The following PCDHGC3 variants were observed in gnomAD, a reference collection of about 807,000 sequenced individuals.
PCDHGC3 encodes protocadherin gamma subfamily C, 3.
A neutral mutation model predicts 59.2 loss-of-function variants in PCDHGC3; 26 were observed. That is an observed-to-expected ratio of 0.44 (90% CI 0.32 to 0.61). PCDHGC3 has a LOEUF of 0.61. Among genes scored for constraint, PCDHGC3 ranks in the 20% least tolerant of loss-of-function variants. PCDHGC3 has a pLI of 0.05. For missense variants in PCDHGC3, 1,080 were observed against 1,221.8 expected, an observed-to-expected ratio of 0.88 and a Z score of 1.73; for synonymous variants, 487 against 519.7, an observed-to-expected ratio of 0.94 and a Z score of 0.86.
chr5:141,485,982 A>G lies in PCDHGC3; in HGVS notation c.2430+7436A>G. 6.2e-7 allele frequency: 1 copy of G among 1,614,156 alleles called. No homozygotes were observed. The highest frequency in any genetic ancestry group is 8.5e-7 in the Non-Finnish European group (1 of 1,180,020). ...ATCCAGCTCAATGCCTCAGACCCGG[A>G]CCTGGGTCCCAGTGGTAACGTCACC... On this transcript the variant is annotated intron_variant, in intron 1 of 3. Coordinates refer to ENST00000308177, the MANE Select transcript of PCDHGC3 (RefSeq NM_002588.4). The surrounding 1 kb of genome is among the most constrained non-coding windows in gnomAD (Gnocchi z 5.7).
intron 3 of PCDHGC3, chr5:141,506,958 A>C (rs529190059): frequency 1.6e-3 from 239 of 152,280 alleles, no homozygotes; most frequent in African/African-American, 5.5e-3. Flanking sequence ...GAATCCTCTC[A>C]ATAGCTCTGC....
intron 2 of PCDHGC3, among the ~76,000 whole-genome samples, chr5:141,503,072 C>T (rs2099817948): frequency 6.6e-6 from 1 of 151,728 alleles, no homozygotes; most frequent in Non-Finnish European, 1.5e-5. Flanking sequence ...TCAGAATGGT[C>T]TCGATCTCCT....
intron 3 of PCDHGC3, chr5:141,507,291 T>A (rs956764262): frequency 3.4e-5 from 5 of 147,704 alleles, no homozygotes; most frequent in African/African-American, 5.1e-5. Flanking sequence ...CAGTCTCAAA[T>A]GTTGCATGAG....
Position 141,490,629 on chromosome 5 carries a change from C to T in PCDHGC3, c.2431-4178C>T, listed in dbSNP as rs1174984711. 1.2e-6 allele frequency: 2 copies of T among 1,614,214 alleles called. No individual in the cohort carries two copies. Among genetic ancestry groups the T allele is most frequent in the East Asian group, 2.2e-5 (1 of 44,882 alleles). On this transcript the variant is annotated intron_variant, in intron 1 of 3. Coordinates refer to ENST00000308177, the MANE Select transcript of PCDHGC3 (RefSeq NM_002588.4). This position sits in a 1 kb window ranked among gnomAD's most constrained non-coding sequence, Gnocchi z 5.4. ...ACCAGCAGCTTTACACTGCTTACAT[C>T]CTAGAAAACCGGCCTCCGGGCTCCC...
rs979237199 is a variant in PCDHGC3, at chr5:141,477,828, G to C, written c.1712G>C (p.Arg571Pro). Residue 571 changes from arginine (R) to proline (P), a missense_variant, in exon 1 of 4, where the codon CGG becomes CCG. Transcript: ENST00000308177. This position sits in a 1 kb window ranked among gnomAD's most constrained non-coding sequence, Gnocchi z 4.9. ...NDNAPQVLYPRPGGSSVEMLP... is the reference protein window; with the variant it reads ...NDNAPQVLYPPPGGSSVEMLP... Reference sequence around the variant, plus strand: ...AATGCCCCCCAGGTCCTATATCCTCGGCCAGGTGGGAGCTCGGTGGAGATG... The same window carrying C: ...AATGCCCCCCAGGTCCTATATCCTCCGCCAGGTGGGAGCTCGGTGGAGATG... The C allele has an allele frequency of 3.7e-6, 6 of 1,614,082 alleles. No individual in the cohort carries two copies. The highest frequency in any genetic ancestry group is 3.4e-6 in the Non-Finnish European group (4 of 1,180,006).
chr5:141,494,782 C>T, intron 1 of PCDHGC3, 25 bp from the exon 2 acceptor site: 1 of 1,614,110 alleles, frequency 6.2e-7, no homozygotes. Context: ...GGTACTCAGC[C>T]CCTTTCCCTC....
At chr5:141,482,606 T>G (rs2099569173) in intron 1 of PCDHGC3, among the ~76,000 whole-genome samples, 1 of 146,712 alleles carries the variant, frequency 6.8e-6, no homozygotes, top group African/African-American at 2.6e-5. Context: ...AAAAAACACC[T>G]AAATGAGCCT....
At chr5:141,488,083 C>T (rs917074240) in intron 1 of PCDHGC3, among the ~76,000 whole-genome samples, 1 of 152,152 alleles carries the variant, frequency 6.6e-6, no homozygotes, top group African/African-American at 2.4e-5. Context: ...GTATCTAGTA[C>T]ACTGTGAAGG....
At chr5:141,502,404 C>A (rs1270930372) in intron 2 of PCDHGC3, among the ~76,000 whole-genome samples, 1 of 151,880 alleles carries the variant, frequency 6.6e-6, no homozygotes, top group Non-Finnish European at 1.5e-5. Flanking sequence ...TGTCCCCGAA[C>A]CTGGATTTGC....
intron 1 of PCDHGC3, among the ~76,000 whole-genome samples, chr5:141,480,400 G>A (rs1364147575): frequency 6.8e-6 from 1 of 146,550 alleles, no homozygotes; most frequent in Non-Finnish European, 1.5e-5. Context: ...TGGCAATAGA[G>A]TGAGACCCTG....
chr5:141,490,611 G>A lies in PCDHGC3; in HGVS notation c.2431-4196G>A, dbSNP rs1442281165. 1 of 1,614,052 alleles carries A rather than the reference G, an allele frequency of 6.2e-7. No homozygotes were observed. The highest frequency in any genetic ancestry group is 1.3e-5 in the African/African-American group (1 of 74,914). On this transcript the variant is annotated intron_variant, in intron 1 of 3. Coordinates refer to ENST00000308177, the MANE Select transcript of PCDHGC3 (RefSeq NM_002588.4). This position sits in a 1 kb window ranked among gnomAD's most constrained non-coding sequence, Gnocchi z 5.4. ...ACAATGCACCCCGCTTCAACCAGCA[G>A]CTTTACACTGCTTACATCCTAGAAA...
chr5:141,492,548 C>T (rs1028674110), intron 1 of PCDHGC3, among the ~76,000 whole-genome samples: 5 of 152,218 alleles, frequency 3.3e-5, no homozygotes, highest in African/African-American at 9.6e-5. Flanking sequence ...TGGGCCGGGT[C>T]GCCTGGGGGG....
chr5:141,490,938 C>A lies in PCDHGC3; in HGVS notation c.2431-3869C>A. 1.2e-6 allele frequency: 2 copies of A among 1,613,672 alleles called. No individual in the cohort carries two copies. Among genetic ancestry groups the A allele is most frequent in the Non-Finnish European group, 1.7e-6 (2 of 1,179,760 alleles). On this transcript the variant is annotated intron_variant, in intron 1 of 3. Coordinates refer to ENST00000308177, the MANE Select transcript of PCDHGC3 (RefSeq NM_002588.4). The surrounding 1 kb of genome is among the most constrained non-coding windows in gnomAD (Gnocchi z 5.4). ...ATGATAATGCCCCAGCTGTGCTGCA[C>A]CCACGGCCAGACTGGGAACACTCAG... is the stretch of plus-strand genomic sequence containing the variant.
intron 2 of PCDHGC3, among the ~76,000 whole-genome samples, chr5:141,504,999 T>C (rs1278633184): frequency 6.6e-6 from 1 of 152,000 alleles, no homozygotes; most frequent in African/African-American, 2.4e-5. Context: ...CCGTCTGTAC[T>C]AAAAATACAA....
At position 141,477,269 on chromosome 5, in the gene PCDHGC3, G is replaced by A; in HGVS notation, c.1153G>A (p.Gly385Arg). The change falls in exon 1 of 4, where the codon GGG becomes AGG. Residue 385 changes from glycine to arginine, a missense_variant. By Grantham distance (125) the Gly-to-Arg change is moderately radical. Coordinates refer to ENST00000308177, the MANE Select transcript of PCDHGC3 (RefSeq NM_002588.4). This position sits in a 1 kb window ranked among gnomAD's most constrained non-coding sequence, Gnocchi z 4.9. Reference protein sequence around the residue: ...SVTDLDAGENGLVTCEVPPGL... With the variant: ...SVTDLDAGENRLVTCEVPPGL... Reference sequence around the variant, plus strand: ...GACTGACCTGGATGCTGGCGAGAACGGGCTGGTGACCTGCGAAGTTCCACC... The same window carrying A: ...GACTGACCTGGATGCTGGCGAGAACAGGCTGGTGACCTGCGAAGTTCCACC... 1.9e-6 allele frequency: 3 copies of A among 1,614,154 alleles called. No individual in the cohort carries two copies. Among genetic ancestry groups the A allele is most frequent in the Non-Finnish European group, 2.5e-6 (3 of 1,180,030 alleles).
Position 141,511,159 on chromosome 5 carries a change from AAGG to A in PCDHGC3, c.2794_2796del (p.Glu932del), listed in dbSNP as rs1477173987. 3 of 1,614,186 alleles carry A rather than the reference AAGG, an allele frequency of 1.9e-6. No individual in the cohort carries two copies. The highest frequency in any genetic ancestry group is 2.2e-5 in the East Asian group (1 of 44,872). On this transcript the variant is annotated inframe_deletion, in exon 4 of 4. Coordinates refer to ENST00000308177, the MANE Select transcript of PCDHGC3 (RefSeq NM_002588.4). ...TGGCAACAAGAAGAAGTCGGGCAAG[AAGG>A]AGAAGAAGTAACATGGAGGCCAGGC... is the stretch of plus-strand genomic sequence containing the variant.
intron 2 of PCDHGC3, 114 bp from the exon 3 acceptor site, chr5:141,505,279 C>T: frequency 6.5e-7 from 1 of 1,541,274 alleles, no homozygotes; most frequent in Non-Finnish European, 8.7e-7. Context: ...AGAAACAGGT[C>T]TTGGGCATGG....
In PCDHGC3 at chr5:141,486,397, G is replaced by T; in HGVS notation, c.2430+7851G>T. 6.2e-7 allele frequency: 1 copy of T among 1,614,164 alleles called. No individual in the cohort carries two copies. Among genetic ancestry groups the T allele is most frequent in the East Asian group, 2.2e-5 (1 of 44,872 alleles). On this transcript the variant is annotated intron_variant, in intron 1 of 3. Coordinates refer to ENST00000308177, the MANE Select transcript of PCDHGC3 (RefSeq NM_002588.4). The surrounding 1 kb of genome is among the most constrained non-coding windows in gnomAD (Gnocchi z 5.0). ...CCTTCAGGAACCAGTTCTCCCTGGTGACTGCTGGACCCTTGGATCGAGAGG... is the reference window on the plus strand; with the variant it reads ...CCTTCAGGAACCAGTTCTCCCTGGTTACTGCTGGACCCTTGGATCGAGAGG...
At chr5:141,482,530 C>CAAAAAAAAAAAA (rs3074545) in intron 1 of PCDHGC3, among the ~76,000 whole-genome samples, 11 of 76,552 alleles carry the variant, frequency 1.4e-4, no homozygotes, top group African/African-American at 2.9e-4. Flanking sequence ...GACAGACATG[C>CAAAAAAAAAAAA]AAAAAAAAAA....
Sources: allele counts gnomAD v4.1 joint callset (sites outside exome capture counted in the v4.1 genomes callset), GRCh38; gene constraint gnomAD v4.1.1; non-coding constraint Gnocchi (gnomAD v3.1); transcripts MANE v1.5; gene names NCBI Gene and HGNC (gene_info 2026-07-23, HGNC 2026-07-21).